The following GPM6A variants were observed in gnomAD, a reference collection of about 807,000 sequenced individuals.
GPM6A encodes the protein neuronal membrane glycoprotein M6-a.
Under a neutral mutation model 32.1 loss-of-function variants are expected in GPM6A, and 7 were observed. That is an observed-to-expected ratio of 0.22 (90% CI 0.12 to 0.41). The LOEUF (loss-of-function observed/expected upper bound fraction) is 0.41, where lower values mean the gene tolerates loss of function less well. Among genes scored for constraint, GPM6A ranks in the 10% least tolerant of loss-of-function variants. GPM6A has a pLI of 1.00. For synonymous variants in GPM6A, 130 were observed against 123.4 expected, an observed-to-expected ratio of 1.05 and a Z score of -0.35; for missense variants, 235 against 347.2, an observed-to-expected ratio of 0.68 and a Z score of 2.57.
intron 1 of GPM6A, among the ~76,000 whole-genome samples, chr4:175,725,040 C>G (rs1424750931): frequency 6.6e-6 from 1 of 152,156 alleles, no homozygotes; most frequent in Non-Finnish European, 1.5e-5. Context: ...CAAGATTTTG[C>G]TCAAATTGTA....
intron 6 of GPM6A, among the ~76,000 whole-genome samples, chr4:175,637,003 T>C (rs1740663265): frequency 1.1e-5 from 1 of 89,676 alleles, no homozygotes; most frequent in African/African-American, 4.2e-5. Flanking sequence ...ATAAAAAATA[T>C]ATTTATATAA....
intron 1 of GPM6A, among the ~76,000 whole-genome samples, chr4:175,936,661 A>G (rs1439048357): frequency 1.3e-5 from 2 of 152,188 alleles, no homozygotes; most frequent in East Asian, 3.8e-4. Context: ...ACCTAACAAG[A>G]TATCAAACCA....
At chr4:175,803,852 C>T (rs1021761554) in intron 1 of GPM6A, among the ~76,000 whole-genome samples, 5 of 152,058 alleles carry the variant, frequency 3.3e-5, no homozygotes, top group African/African-American at 1.2e-4. Context: ...TTTCTGAATT[C>T]TAGATCTTAT....
At chr4:175,847,692 TA>T (rs1392281090) in intron 1 of GPM6A, among the ~76,000 whole-genome samples, 1 of 152,136 alleles carries the variant, frequency 6.6e-6, no homozygotes, top group East Asian at 1.9e-4. Context: ...TTTATTTAAT[TA>T]AAAAAAGACA....
chr4:175,650,622 A>T (rs1279647442), intron 4 of GPM6A, among the ~76,000 whole-genome samples: 1 of 152,066 alleles, frequency 6.6e-6, no homozygotes, highest in African/African-American at 2.4e-5. Context: ...ATTATTATTA[A>T]ATGCGAACTA....
At chr4:175,984,275 G>A (rs911914435) in intron 1 of GPM6A, among the ~76,000 whole-genome samples, 8 of 152,146 alleles carry the variant, frequency 5.3e-5, no homozygotes, top group East Asian at 1.9e-4. Flanking sequence ...AGATTCTCCC[G>A]CCTCAGCCTT....
intron 2 of GPM6A, among the ~76,000 whole-genome samples, chr4:175,698,641 T>C (rs976316402): frequency 2.0e-5 from 3 of 152,192 alleles, no homozygotes; most frequent in African/African-American, 7.2e-5. Context: ...GAACTATTTG[T>C]TGGTAGGGAG....
At chr4:175,768,896 G>A (rs1560923024) in intron 1 of GPM6A, among the ~76,000 whole-genome samples, 1 of 152,132 alleles carries the variant, frequency 6.6e-6, no homozygotes, top group African/African-American at 2.4e-5. Context: ...AGGAGTTCAA[G>A]ACCAGCCTGG....
chr4:175,733,650 T>C (rs1731529066), intron 1 of GPM6A, among the ~76,000 whole-genome samples: 1 of 152,220 alleles, frequency 6.6e-6, no homozygotes, highest in African/African-American at 2.4e-5. Flanking sequence ...AGTGTTTTTT[T>C]CCAAGTCAAC....
chr4:175,776,641 A>C (rs1276728732), intron 1 of GPM6A, among the ~76,000 whole-genome samples: 1 of 152,204 alleles, frequency 6.6e-6, no homozygotes, highest in Admixed American at 6.5e-5. Context: ...AAGAATCCCT[A>C]CTTAAATAAT....
intron 3 of GPM6A, among the ~76,000 whole-genome samples, chr4:175,660,773 A>C (rs1408190352): frequency 6.6e-6 from 1 of 152,214 alleles, no homozygotes; most frequent in Non-Finnish European, 1.5e-5. Context: ...GAAGAAGCAA[A>C]AAAAATCAAG....
intron 1 of GPM6A, among the ~76,000 whole-genome samples, chr4:175,886,545 G>A (rs1238132666): frequency 6.6e-6 from 1 of 152,054 alleles, no homozygotes; most frequent in Non-Finnish European, 1.5e-5. Context: ...CTACGGTCCA[G>A]AATCAAATGG....
rs1740434482 is a variant in GPM6A at position 175,633,907 on chromosome 4, A to G, written c.*998T>C. 1 of 152,516 alleles carries G rather than the reference A, an allele frequency of 6.6e-6. No individual in the cohort carries two copies. The highest frequency in any genetic ancestry group is 1.5e-5 in the Non-Finnish European group (1 of 67,954). 9.4% of individuals were successfully genotyped at this position (152,516 alleles called of 1,614,324 possible). A position where few individuals can be genotyped will look rare whatever the true frequency, so the allele number is the denominator to read the frequency against. ...ATGGAAGCCTTTTCAAATATATCAT[A>G]CACATTTTAGGAATAGTTTACAGAG... is the stretch of plus-strand genomic sequence containing the variant. On this transcript the variant is annotated 3_prime_UTR_variant, in exon 7 of 7. Transcript: ENST00000393658.
At chr4:175,745,462 A>T (rs1732065485) in intron 1 of GPM6A, among the ~76,000 whole-genome samples, 1 of 152,206 alleles carries the variant, frequency 6.6e-6, no homozygotes, top group South Asian at 2.1e-4. Flanking sequence ...GTTCAGTTAA[A>T]CAAACATTTG....
chr4:175,823,045 T>G (rs569197088), intron 1 of GPM6A, among the ~76,000 whole-genome samples: 10 of 152,334 alleles, frequency 6.6e-5, no homozygotes, highest in African/African-American at 2.4e-4. Flanking sequence ...TTTTATAATT[T>G]TTTTTCTAAC....
At chr4:175,763,909 C>A (rs1207553986) in intron 1 of GPM6A, among the ~76,000 whole-genome samples, 1 of 152,030 alleles carries the variant, frequency 6.6e-6, no homozygotes, top group East Asian at 1.9e-4. Flanking sequence ...GACTTATTTT[C>A]TGAGTACTTT....
At chr4:175,830,841 T>C (rs986184794) in intron 1 of GPM6A, among the ~76,000 whole-genome samples, 3 of 152,092 alleles carry the variant, frequency 2.0e-5, no homozygotes, top group African/African-American at 7.2e-5. Flanking sequence ...TGTTCGTTTA[T>C]ATATCCTGAC....
intron 4 of GPM6A, among the ~76,000 whole-genome samples, chr4:175,648,311 A>T (rs1449560928): frequency 1.3e-5 from 2 of 152,116 alleles, no homozygotes; most frequent in Admixed American, 6.6e-5. Flanking sequence ...CCTCCCATAG[A>T]TGTTCACATC....
chr4:175,921,166 T>C (rs1215456232), intron 1 of GPM6A, among the ~76,000 whole-genome samples: 1 of 152,206 alleles, frequency 6.6e-6, no homozygotes, highest in Non-Finnish European at 1.5e-5. Flanking sequence ...GAAATCTTTA[T>C]AGTGTCAACT....
Sources: gnomAD v4.1 joint callset for allele counts (sites outside exome capture counted in the v4.1 genomes callset) on GRCh38, gnomAD v4.1.1 for gene constraint, MANE v1.5 for transcripts, NCBI Gene and HGNC (gene_info 2026-07-23, HGNC 2026-07-21) for gene names.